GCNT2: variants seen among roughly 807,000 people sequenced by gnomAD.
GCNT2 encodes the protein glucosaminyl (N-acetyl) transferase 2 (I blood group), also known as N-acetyllactosaminide beta-1,6-N-acetylglucosaminyl-transferase.
GCNT2 carries 34 observed loss-of-function variants against 34.2 expected under a neutral mutation model. The observed-to-expected ratio is 1.00, with a 90% CI of 0.76 to 1.32. The LOEUF (loss-of-function observed/expected upper bound fraction) is 1.32. GCNT2 is among the 40% of genes most tolerant of loss of function. The pLI, the probability that GCNT2 is intolerant of heterozygous loss-of-function variation, is 0.00. For synonymous variants in GCNT2, 212 were observed against 188.0 expected, an observed-to-expected ratio of 1.13 and a Z score of -1.04; for missense variants, 584 against 489.4, an observed-to-expected ratio of 1.19 and a Z score of -1.82.
At chr6:10,582,993 C>T (rs1438818175) in intron 3 of GCNT2, among the ~76,000 whole-genome samples, 1 of 152,098 alleles carries the variant, frequency 6.6e-6, no homozygotes, top group Non-Finnish European at 1.5e-5. Context: ...TTTACCCAGG[C>T]ACTGTGAGCA....
At chr6:10,541,219 A>G (rs914151105) in intron 3 of GCNT2, among the ~76,000 whole-genome samples, 1 of 152,108 alleles carries the variant, frequency 6.6e-6, no homozygotes, top group Admixed American at 6.6e-5. Flanking sequence ...GCATGTGTCC[A>G]TAAGTTCTCA....
intron 3 of GCNT2, among the ~76,000 whole-genome samples, chr6:10,548,543 T>C (rs915199883): frequency 2.6e-5 from 4 of 152,210 alleles, no homozygotes; most frequent in African/African-American, 4.8e-5. Flanking sequence ...TACCATCCAC[T>C]CCACTTGCCA....
At chr6:10,607,513 T>A (rs1765374040) in intron 3 of GCNT2, among the ~76,000 whole-genome samples, 1 of 151,934 alleles carries the variant, frequency 6.6e-6, no homozygotes, top group African/African-American at 2.4e-5. Flanking sequence ...GCTCCAACGC[T>A]GAGGATTACA....
chr6:10,536,265 G>C (rs1197958244), intron 3 of GCNT2, among the ~76,000 whole-genome samples: 3 of 152,180 alleles, frequency 2.0e-5, no homozygotes, highest in African/African-American at 7.2e-5. Flanking sequence ...GGACAGACTT[G>C]AAGGGGAGGA....
At chr6:10,586,892 G>T (rs750946405) in intron 3 of GCNT2, 5 of 1,613,352 alleles carry the variant, frequency 3.1e-6, no homozygotes, top group Non-Finnish European at 4.2e-6. Flanking sequence ...AGCATTTCTG[G>T]GTGACACTTA....
At chr6:10,596,317 T>C (rs1561827410) in intron 3 of GCNT2, among the ~76,000 whole-genome samples, 1 of 152,058 alleles carries the variant, frequency 6.6e-6, no homozygotes, top group Non-Finnish European at 1.5e-5. Context: ...AGGTCAGGCA[T>C]TCAAGACCAG....
At chr6:10,596,610 A>T in intron 3 of GCNT2, among the ~76,000 whole-genome samples, 1 of 151,956 alleles carries the variant, frequency 6.6e-6, no homozygotes, top group Middle Eastern at 3.2e-3. Flanking sequence ...AAGATTGGTT[A>T]GTGGGGTACA....
chr6:10,560,595 C>G (rs1347463020), intron 3 of GCNT2, among the ~76,000 whole-genome samples: 2 of 152,054 alleles, frequency 1.3e-5, no homozygotes, highest in Non-Finnish European at 2.9e-5. Context: ...CAAAACACCC[C>G]CAAGAGCAAT....
rs866799242 is a variant in GCNT2 at position 10,528,664 on chromosome 6, G to C, written c.-248G>C. 5 of 558,130 alleles carry C rather than the reference G, an allele frequency of 9.0e-6. No homozygotes were observed. The South Asian group carries it at 1.0e-4, about 12-fold the overall frequency. 34.6% of individuals were successfully genotyped at this position (558,130 alleles called of 1,614,324 possible). A position where few individuals can be genotyped will look rare whatever the true frequency, so the allele number is the denominator to read the frequency against. ...TGCAGGTTAGCAGGAGAACAGGCAA[G>C]CCAAATGCAAAGGAGCCACTTCAGA... On this transcript the variant is annotated 5_prime_UTR_variant, in exon 3 of 5. Transcript: ENST00000495262.
chr6:10,614,774 A>G (rs1316441393), intron 3 of GCNT2, among the ~76,000 whole-genome samples: 1 of 152,164 alleles, frequency 6.6e-6, no homozygotes, highest in African/African-American at 2.4e-5. Flanking sequence ...CACAAAACCT[A>G]AACGGTCCTC....
At chr6:10,607,368 G>A (rs1043684325) in intron 3 of GCNT2, among the ~76,000 whole-genome samples, 7 of 152,146 alleles carry the variant, frequency 4.6e-5, no homozygotes, top group African/African-American at 1.7e-4. Flanking sequence ...AGGAGGAAGA[G>A]CAGAACGGGG....
chr6:10,541,381 T>G (rs1270219646), intron 3 of GCNT2, among the ~76,000 whole-genome samples: 1 of 152,218 alleles, frequency 6.6e-6, no homozygotes, highest in African/African-American at 2.4e-5. Flanking sequence ...CTATGGCGTA[T>G]ATATACGACA....
At chr6:10,547,839 A>T (rs1337158597) in intron 3 of GCNT2, among the ~76,000 whole-genome samples, 1 of 152,110 alleles carries the variant, frequency 6.6e-6, no homozygotes, top group African/African-American at 2.4e-5. Flanking sequence ...TTATTTATTT[A>T]TATCTCTGGG....
chr6:10,588,196 G>A (rs1033911591), intron 3 of GCNT2, among the ~76,000 whole-genome samples: 39 of 152,176 alleles, frequency 2.6e-4, no homozygotes, highest in African/African-American at 9.4e-4. Flanking sequence ...TTTATTTTCA[G>A]AGATGCTAAA....
intron 3 of GCNT2, among the ~76,000 whole-genome samples, chr6:10,537,800 C>T (rs1196846523): frequency 6.6e-6 from 1 of 151,772 alleles, no homozygotes; most frequent in Non-Finnish European, 1.5e-5. Context: ...GCCTAGCCTC[C>T]CTTAAACATG....
chr6:10,588,773 AGTGTGTGTGTGATGT>A (rs1297559505), intron 3 of GCNT2, among the ~76,000 whole-genome samples: 1 of 115,626 alleles, frequency 8.6e-6, no homozygotes, highest in African/African-American at 3.3e-5. Flanking sequence ...GTGTGTTTGT[AGTGTGTGTGTGATGT>A]GTGTGTGTGT....
chr6:10,534,157 T>TTTTTTTTTTTTTTTTTTTTTTTTTTTTTG (rs1411848198), intron 3 of GCNT2, among the ~76,000 whole-genome samples: 1 of 145,248 alleles, frequency 6.9e-6, no homozygotes, highest in Non-Finnish European at 1.5e-5. Flanking sequence ...TTTTTTTTTT[T>TTTTTTTTTTTTTTTTTTTTTTTTTTTTTG]TTAAGATGGA....
At chr6:10,623,821 G>T (rs923804530) in intron 4 of GCNT2, among the ~76,000 whole-genome samples, 1 of 152,088 alleles carries the variant, frequency 6.6e-6, no homozygotes, top group Non-Finnish European at 1.5e-5. Flanking sequence ...GTTTGAATTG[G>T]GATTTCCAGA....
chr6:10,534,420 G>A (rs1761665454), intron 3 of GCNT2, among the ~76,000 whole-genome samples: 1 of 152,084 alleles, frequency 6.6e-6, no homozygotes, highest in African/African-American at 2.4e-5. Context: ...ACAGGCGTGA[G>A]CCACTGTGCC....
Sources: gnomAD v4.1 joint callset for allele counts (sites outside exome capture counted in the v4.1 genomes callset) on GRCh38, gnomAD v4.1.1 for gene constraint, MANE v1.5 for transcripts, NCBI Gene and HGNC (gene_info 2026-07-23, HGNC 2026-07-21) for gene names.